The following GRIK4 variants were observed in gnomAD, a reference collection of about 807,000 sequenced individuals.
GRIK4 encodes glutamate ionotropic receptor kainate type subunit 4, also known as glutamate receptor ionotropic, kainate 4.
GRIK4 carries 40 observed loss-of-function variants against 104.9 expected under a neutral mutation model. That is an observed-to-expected ratio of 0.38 (90% CI 0.30 to 0.50). The LOEUF is 0.50. Among genes scored for constraint, GRIK4 ranks in the 20% least tolerant of loss-of-function variants. The probability of loss-of-function intolerance (pLI) is 0.93; values close to 1 mark genes in which losing one functional copy is unlikely to be tolerated. For synonymous variants in GRIK4, 485 were observed against 524.9 expected (o/e 0.92, Z 1.04); for missense variants, 1,047 against 1,308.1 (o/e 0.80, Z 3.08).
At chr11:120,928,213 T>TAAA (rs5795252) in intron 13 of GRIK4, among the ~76,000 whole-genome samples, 2,468 of 126,264 alleles carry the variant, frequency 0.02, 68 homozygotes, top group African/African-American at 0.058. Flanking sequence ...GACTCCGTCT[T>TAAA]AAAAAAAAAA....
In GRIK4 at chr11:120,940,383, G is replaced by C; in HGVS notation, c.1513G>C (p.Ala505Pro). Residue 505 changes from alanine (A) to proline (P), a missense_variant, in exon 14 of 21, where the codon GCT becomes CCT. By Grantham distance (27) the Ala-to-Pro change is conservative. Coordinates refer to ENST00000527524, the MANE Select transcript of GRIK4 (RefSeq NM_014619.5). The surrounding 1 kb of genome is among the most constrained non-coding windows in gnomAD (Gnocchi z 4.3). ...DLAVAGLTIT[A>P]EREKVIDFSK... is the part of the protein sequence containing the mutation. ...GGCTGTGGCAGGCCTCACCATTACAGCTGAACGGGAGAAGGTGATTGATTT... is the reference window on the plus strand; with the variant it reads ...GGCTGTGGCAGGCCTCACCATTACACCTGAACGGGAGAAGGTGATTGATTT... 3 of 1,613,770 alleles carry C rather than the reference G, an allele frequency of 1.9e-6. No individual in the cohort carries two copies. Among genetic ancestry groups the C allele is most frequent in the Non-Finnish European group, 1.7e-6 (2 of 1,179,702 alleles).
chr11:120,834,301 G>GTGTGT (rs1953515927), intron 7 of GRIK4, among the ~76,000 whole-genome samples: 2 of 91,058 alleles, frequency 2.2e-5, no homozygotes, highest in South Asian at 3.5e-4. Flanking sequence ...TGTGTGTGTG[G>GTGTGT]CCATGCTTTT....
chr11:120,669,825 T>C (rs1332687723), intron 3 of GRIK4, among the ~76,000 whole-genome samples: 1 of 152,238 alleles, frequency 6.6e-6, no homozygotes, highest in African/African-American at 2.4e-5. Context: ...TCCCTGGTGA[T>C]CTCATGCAGT....
chr11:120,810,339 G>C (rs1477174117), intron 4 of GRIK4, among the ~76,000 whole-genome samples: 1 of 152,204 alleles, frequency 6.6e-6, no homozygotes, highest in Non-Finnish European at 1.5e-5. Flanking sequence ...TTCCTTTCTT[G>C]GGAACCAACA....
chr11:120,900,590 C>T (rs187600419), intron 12 of GRIK4, among the ~76,000 whole-genome samples: 1 of 152,244 alleles, frequency 6.6e-6, no homozygotes, highest in Non-Finnish European at 1.5e-5. Flanking sequence ...GGAAAAAGAG[C>T]TGGAGCCGGG....
At chr11:120,617,408 C>G (rs73002644) in intron 1 of GRIK4, among the ~76,000 whole-genome samples, 32,904 of 151,892 alleles carry the variant, frequency 0.22, 4,688 homozygotes, top group Non-Finnish European at 0.31. Flanking sequence ...GAGGCAGGAT[C>G]TAACTCTGTT....
intron 8 of GRIK4, among the ~76,000 whole-genome samples, chr11:120,837,983 G>A (rs1211081335): frequency 3.9e-5 from 6 of 152,276 alleles, no homozygotes; most frequent in Admixed American, 2.0e-4. Context: ...ACTGGGCAAC[G>A]AGGTGTCGCT....
intron 15 of GRIK4, among the ~76,000 whole-genome samples, chr11:120,954,766 G>A (rs527932065): frequency 3.5e-5 from 5 of 143,900 alleles, no homozygotes; most frequent in African/African-American, 1.0e-4. Flanking sequence ...CTAACCATAC[G>A]GCCTCTCTCT....
chr11:120,765,928 G>C (rs779033944), intron 3 of GRIK4, among the ~76,000 whole-genome samples: 4 of 152,230 alleles, frequency 2.6e-5, no homozygotes, highest in Non-Finnish European at 5.9e-5. Context: ...AAGCACAGGG[G>C]TCAGGGACAC....
chr11:120,866,589 T>C (rs1270490220), intron 9 of GRIK4, among the ~76,000 whole-genome samples: 1 of 152,102 alleles, frequency 6.6e-6, no homozygotes, highest in African/African-American at 2.4e-5. Context: ...TTGGGGGATA[T>C]TCAGTGAGTG....
At position 120,986,317 on chromosome 11, in the gene GRIK4, C is replaced by T; in HGVS notation, c.*57C>T. The T allele has an allele frequency of 2.6e-6, 3 of 1,143,018 alleles. No homozygotes were observed. Among genetic ancestry groups the T allele is most frequent in the East Asian group, 6.7e-5 (2 of 29,746 alleles). The allele number at this position is 1,143,018 out of a possible 1,614,324, so 70.8% of individuals were successfully genotyped here. On this transcript the variant is annotated 3_prime_UTR_variant, in exon 21 of 21. Transcript: ENST00000527524. ...GCGGGGCGGGAGGGGAGGGGCGGGG[C>T]GGGCGCTGCTGTCAGCCGCCAGCCG...
At chr11:120,731,387 T>C (rs747156700) in intron 3 of GRIK4, among the ~76,000 whole-genome samples, 7 of 152,328 alleles carry the variant, frequency 4.6e-5, no homozygotes, top group Middle Eastern at 6.8e-3. Context: ...TTGTCATATG[T>C]TGAACTCCCT....
At chr11:120,694,280 G>T (rs1472886950) in intron 3 of GRIK4, among the ~76,000 whole-genome samples, 1 of 152,182 alleles carries the variant, frequency 6.6e-6, no homozygotes, top group Non-Finnish European at 1.5e-5. Context: ...AAGGTACCTT[G>T]GTCTGAGTCT....
At chr11:120,685,895 C>G (rs2135298032) in intron 3 of GRIK4, among the ~76,000 whole-genome samples, 1 of 152,238 alleles carries the variant, frequency 6.6e-6, no homozygotes, top group Non-Finnish European at 1.5e-5. Flanking sequence ...CAATCTTGTG[C>G]CCTCCCTGGA....
chr11:120,742,345 CAAAAAAA>C (rs755002657), intron 3 of GRIK4, among the ~76,000 whole-genome samples: 1 of 74,138 alleles, frequency 1.3e-5, no homozygotes, highest in Admixed American at 1.6e-4. Context: ...GACTCCGTTT[CAAAAAAA>C]AAAAAAAAAA....
intron 3 of GRIK4, among the ~76,000 whole-genome samples, chr11:120,771,845 A>G (rs1189230622): frequency 6.6e-6 from 1 of 152,272 alleles, no homozygotes; most frequent in Admixed American, 6.5e-5. Context: ...TGAGAGCCAT[A>G]GAGCTCAGGC....
intron 8 of GRIK4, among the ~76,000 whole-genome samples, chr11:120,860,769 C>T (rs1056250414): frequency 5.3e-5 from 8 of 152,130 alleles, no homozygotes; most frequent in Non-Finnish European, 1.0e-4. Flanking sequence ...AAGGCACCAC[C>T]CTACCCGCAA....
intron 3 of GRIK4, among the ~76,000 whole-genome samples, chr11:120,741,279 T>C (rs1425722835): frequency 7.2e-6 from 1 of 139,024 alleles, no homozygotes; most frequent in African/African-American, 2.7e-5. Context: ...TGCTTTCTTT[T>C]TTTTTTTTTT....
At chr11:120,515,773 C>G (rs1286777775) in intron 1 of GRIK4, among the ~76,000 whole-genome samples, 1 of 152,210 alleles carries the variant, frequency 6.6e-6, no homozygotes, top group African/African-American at 2.4e-5. Context: ...TAGGGTATGC[C>G]TTACATTTAG....
Sources: allele counts gnomAD v4.1 joint callset (sites outside exome capture counted in the v4.1 genomes callset), GRCh38; gene constraint gnomAD v4.1.1; non-coding constraint Gnocchi (gnomAD v3.1); transcripts MANE v1.5; gene names NCBI Gene and HGNC (gene_info 2026-07-23, HGNC 2026-07-21).